Variants in RAVER2 observed in about 807,000 individuals in gnomAD.
The protein encoded by RAVER2 is ribonucleoprotein, PTB binding 2.
Under a neutral mutation model 78.1 loss-of-function variants are expected in RAVER2, and 46 were observed. The observed-to-expected ratio is 0.59, with a 90% CI of 0.46 to 0.75. The LOEUF (loss-of-function observed/expected upper bound fraction) is 0.75. Ranked by LOEUF, RAVER2 falls within the 30% of genes least tolerant of loss-of-function variation. The pLI is 0.00. For missense variants in RAVER2, 793 were observed against 837.5 expected, an observed-to-expected ratio of 0.95 and a Z score of 0.66; for synonymous variants, 311 against 313.3, an observed-to-expected ratio of 0.99 and a Z score of 0.08.
Position 64,745,231 on chromosome 1 carries a change from C to CGGGGCT in RAVER2, c.65_70dup (p.Leu22_Gly23dup), listed in dbSNP as rs929176912. ...GGGGGCGCGGGCCTGGGCAGCGCGG[C>CGGGGCT]GGGGCTGGGGCCGGGGCCGGGGCTG... On this transcript the variant is annotated inframe_insertion, in exon 1 of 12. Transcript: ENST00000294428. The surrounding 1 kb of genome is among the most constrained non-coding windows in gnomAD (Gnocchi z 4.3). The CGGGGCT allele has an allele frequency of 2.8e-5, 31 of 1,106,070 alleles. No homozygotes were observed. Among genetic ancestry groups the CGGGGCT allele is most frequent in the Middle Eastern group, 4.0e-4 (1 of 2,530 alleles). 68.5% of individuals were successfully genotyped at this position (1,106,070 alleles called of 1,614,324 possible). A position where few individuals can be genotyped will look rare whatever the true frequency, so the allele number is the denominator to read the frequency against.
At chr1:64,792,965 C>T (rs1233985174) in intron 5 of RAVER2, among the ~76,000 whole-genome samples, 1 of 152,108 alleles carries the variant, frequency 6.6e-6, no homozygotes, top group Non-Finnish European at 1.5e-5. Context: ...CACTTTGGGT[C>T]ACTGAGGTGG....
Position 64,807,249 on chromosome 1 carries a change from G to A in RAVER2, c.1455G>A (p.Met485Ile), listed in dbSNP as rs1570573065. The change falls in exon 9 of 12, where the codon ATG (methionine) becomes ATA (isoleucine). Residue 485 changes from methionine to isoleucine, a missense_variant. Met to Ile is a conservative substitution (Grantham distance 10). Transcript: ENST00000294428. ...CTCAAACAACGATAACAGCTGGAAT[G>A]GGCATGTTACCATTCTTTCCAAATC... 3.1e-6 allele frequency: 5 copies of A among 1,614,162 alleles called. No individual in the cohort carries two copies. The highest frequency in any genetic ancestry group is 4.2e-6 in the Non-Finnish European group (5 of 1,180,008).
intron 10 of RAVER2, among the ~76,000 whole-genome samples, chr1:64,814,349 C>CT (rs1653702685): frequency 6.6e-6 from 1 of 152,072 alleles, no homozygotes; most frequent in African/African-American, 2.4e-5. Context: ...GTGATCCTCC[C>CT]ACCTTGGCCT....
intron 4 of RAVER2, among the ~76,000 whole-genome samples, chr1:64,785,464 G>A (rs1652753221): frequency 6.6e-6 from 1 of 151,636 alleles, no homozygotes; most frequent in Admixed American, 6.6e-5. Flanking sequence ...CCGCCTGCCG[G>A]GTTCAAGCGA....
chr1:64,764,343 A>AG, intron 1 of RAVER2, among the ~76,000 whole-genome samples: 1 of 151,926 alleles, frequency 6.6e-6, no homozygotes, highest in South Asian at 2.1e-4. Context: ...TTACCCATAT[A>AG]GGAAAAAAAA....
chr1:64,790,771 C>A (rs1009802979), intron 5 of RAVER2, among the ~76,000 whole-genome samples: 2 of 152,144 alleles, frequency 1.3e-5, no homozygotes, highest in African/African-American at 2.4e-5. Flanking sequence ...AAGTTTACAG[C>A]AAATATGTAT....
chr1:64,832,013 C>G (rs1654152996), exon 12 of RAVER2: 1 of 151,816 alleles, frequency 6.6e-6, no homozygotes, highest in Non-Finnish European at 1.5e-5. Flanking sequence ...AGCACTAATT[C>G]TAATAGCAAC....
chr1:64,820,772 C>T (rs1653868838), intron 11 of RAVER2, among the ~76,000 whole-genome samples: 1 of 152,176 alleles, frequency 6.6e-6, no homozygotes, highest in Non-Finnish European at 1.5e-5. Flanking sequence ...CATAGTGTTC[C>T]ATAGTGTATA....
chr1:64,793,470 C>G (rs559869818), intron 5 of RAVER2, among the ~76,000 whole-genome samples: 1 of 152,230 alleles, frequency 6.6e-6, no homozygotes, highest in East Asian at 1.9e-4. Context: ...TTCTAGACTT[C>G]TTTATGTATG....
At chr1:64,765,506 G>C (rs1652151688) in intron 1 of RAVER2, among the ~76,000 whole-genome samples, 1 of 152,144 alleles carries the variant, frequency 6.6e-6, no homozygotes, top group South Asian at 2.1e-4. Context: ...AGGCACAGAA[G>C]TTTAAAAATA....
rs1175418533 is a variant in RAVER2, at chr1:64,745,497, G to C, written c.249+76G>C. 1 of 1,438,234 alleles carries C rather than the reference G, an allele frequency of 7.0e-7. No homozygotes were observed. The highest frequency in any genetic ancestry group is 3.1e-5 in the East Asian group (1 of 31,778). 89.1% of individuals were successfully genotyped at this position (1,438,234 alleles called of 1,614,324 possible). A position where few individuals can be genotyped will look rare whatever the true frequency, so the allele number is the denominator to read the frequency against. ...GCTCCGTGTCCAGGCTGGGATCGGG[G>C]GCGCCTCAGAGCGGTCCTGGGGAGT... On this transcript the variant is annotated intron_variant, in intron 1 of 11. Transcript: ENST00000294428. This position sits in a 1 kb window ranked among gnomAD's most constrained non-coding sequence, Gnocchi z 4.3.
chr1:64,832,640 T>C (rs1407724743), exon 12 of RAVER2: 5 of 152,188 alleles, frequency 3.3e-5, no homozygotes, highest in African/African-American at 1.2e-4. Flanking sequence ...TGTTGTATGC[T>C]TTGTAAAGAA....
At chr1:64,789,394 A>C (rs775914146) in exon 5 of RAVER2, 1 of 1,606,588 alleles carries the variant, frequency 6.2e-7, no homozygotes, top group South Asian at 1.1e-5. Context: ...GCAGATGCAC[A>C]GTAATCAAAA....
chr1:64,759,446 C>G (rs991776996), intron 1 of RAVER2, among the ~76,000 whole-genome samples: 1 of 151,026 alleles, frequency 6.6e-6, no homozygotes, highest in Admixed American at 6.6e-5. Flanking sequence ...GTTTCGATCT[C>G]CTGCCCTTGT....
At chr1:64,767,181 T>G (rs1286766660) in intron 1 of RAVER2, among the ~76,000 whole-genome samples, 2 of 152,116 alleles carry the variant, frequency 1.3e-5, no homozygotes, top group Non-Finnish European at 2.9e-5. Context: ...TTGGGTTGGA[T>G]TAAAAGGGAG....
At chr1:64,760,206 G>A (rs1651983965) in intron 1 of RAVER2, among the ~76,000 whole-genome samples, 1 of 152,114 alleles carries the variant, frequency 6.6e-6, no homozygotes, top group African/African-American at 2.4e-5. Context: ...CACATGCTGG[G>A]AAGCTACTTG....
Position 64,766,734 on chromosome 1 carries a change from AG to A in RAVER2, c.250-1921del, listed in dbSNP as rs139518913. On this transcript the variant is annotated intron_variant, in intron 1 of 11. Coordinates refer to ENST00000294428, the Ensembl canonical transcript of RAVER2. Reference sequence around the variant, plus strand: ...ATCTAGCATTTGATGGCTGTTAACCAGTGAAATGAGAGATTAGATTCTATGC... The same window carrying A: ...ATCTAGCATTTGATGGCTGTTAACCATGAAATGAGAGATTAGATTCTATGC... Among the ~76,000 whole-genome samples the A allele has an allele frequency of 9.8e-3, 1,498 of 152,282 alleles. 32 individuals are homozygous for A. Among genetic ancestry groups the A allele is most frequent in the African/African-American group, 0.035 (1,438 of 41,562 alleles).
chr1:64,824,899 C>T (rs1304859920), intron 11 of RAVER2, among the ~76,000 whole-genome samples: 1 of 138,432 alleles, frequency 7.2e-6, no homozygotes, highest in Non-Finnish European at 1.5e-5. Flanking sequence ...CCATTGCACT[C>T]CAGCTTGGGC....
intron 8 of RAVER2, among the ~76,000 whole-genome samples, chr1:64,805,621 A>T (rs941615499): frequency 6.6e-6 from 1 of 152,222 alleles, no homozygotes; most frequent in Non-Finnish European, 1.5e-5. Context: ...AAACAGAAGC[A>T]TGGTGTTATA....
Sources: gnomAD v4.1 joint callset for allele counts (sites outside exome capture counted in the v4.1 genomes callset) on GRCh38, gnomAD v4.1.1 for gene constraint, Gnocchi (gnomAD v3.1) non-coding constraint, MANE v1.5 for transcripts, NCBI Gene and HGNC (gene_info 2026-07-23, HGNC 2026-07-21) for gene names.